The following GZF1 variants were observed in gnomAD, a reference collection of about 807,000 sequenced individuals.
The protein encoded by GZF1 is GDNF inducible zinc finger protein 1.
GZF1 carries 28 observed loss-of-function variants against 49.4 expected under a neutral mutation model. The observed-to-expected ratio is 0.57, with a 90% CI of 0.42 to 0.78. GZF1 has a LOEUF of 0.78. GZF1 is among the 30% of genes least tolerant of loss of function. The probability of loss-of-function intolerance (pLI) is 0.00; values close to 1 mark genes in which losing one functional copy is unlikely to be tolerated. For synonymous variants in GZF1, 364 were observed against 356.0 expected, an observed-to-expected ratio of 1.02 and a Z score of -0.25; for missense variants, 798 against 916.2, an observed-to-expected ratio of 0.87 and a Z score of 1.67.
intron 3 of GZF1, among the ~76,000 whole-genome samples, chr20:23,368,188 C>T (rs1465657238): frequency 6.6e-6 from 1 of 151,382 alleles, no homozygotes; most frequent in Non-Finnish European, 1.5e-5. Flanking sequence ...ATAATATTAA[C>T]ATGGTAAGAT....
chr20:23,369,978 C>T (rs1405260560), intron 5 of GZF1, 113 bp from the exon 6 acceptor site: 6 of 982,392 alleles, frequency 6.1e-6, no homozygotes, highest in Non-Finnish European at 9.3e-6. Flanking sequence ...TGGTGGCAGG[C>T]GGGTACTTAT....
In GZF1 at chr20:23,372,627, T is replaced by C. The variant is rs759388718; in HGVS notation, c.*2186T>C. 1 of 152,206 alleles carries C rather than the reference T, an allele frequency of 6.6e-6. No individual in the cohort carries two copies. The highest frequency in any genetic ancestry group is 1.5e-5 in the Non-Finnish European group (1 of 68,054). 9.4% of individuals were successfully genotyped at this position (152,206 alleles called of 1,614,324 possible). Reference sequence around the variant, plus strand: ...GAAACGTAACCCTGTAGGGGACTGGTTACAGAGGACCTCCTGGAGCATCTG... The same window carrying C: ...GAAACGTAACCCTGTAGGGGACTGGCTACAGAGGACCTCCTGGAGCATCTG... On this transcript the variant is annotated 3_prime_UTR_variant, in exon 6 of 6. Coordinates refer to ENST00000338121, the MANE Select transcript of GZF1 (RefSeq NM_022482.5).
intron 4 of GZF1, 100 bp from the exon 5 acceptor site, chr20:23,369,484 C>A: frequency 9.2e-7 from 1 of 1,085,230 alleles, no homozygotes; most frequent in East Asian, 2.5e-5. Flanking sequence ...CTGAGGCTTC[C>A]CAGTGGTTTG....
chr20:23,367,321 G>A (rs1227950281), intron 3 of GZF1, among the ~76,000 whole-genome samples: 5 of 152,214 alleles, frequency 3.3e-5, no homozygotes, highest in Non-Finnish European at 5.9e-5. Context: ...GATCTGGCAT[G>A]CAGGTCTTAG....
At chr20:23,367,890 ATTC>A (rs1292330700) in intron 3 of GZF1, among the ~76,000 whole-genome samples, 2 of 152,170 alleles carry the variant, frequency 1.3e-5, no homozygotes, top group Admixed American at 6.5e-5. Flanking sequence ...TGCATTTTTT[ATTC>A]TTACCTGTAA....
chr20:23,362,023 G>C (rs1242605364), upstream of GZF1, among the ~76,000 whole-genome samples: 1 of 152,198 alleles, frequency 6.6e-6, no homozygotes, highest in Non-Finnish European at 1.5e-5. Flanking sequence ...CGCGCGGCCA[G>C]ATCAGGTAAC....
chr20:23,365,968 G>C (rs866929710), intron 2 of GZF1, among the ~76,000 whole-genome samples: 1 of 152,248 alleles, frequency 6.6e-6, no homozygotes, highest in South Asian at 2.1e-4. Context: ...TGGCCGGGAC[G>C]TCCCTCTGGT....
chr20:23,363,307 C>T (rs1400200341), intron 1 of GZF1: 1 of 152,366 alleles, frequency 6.6e-6, no homozygotes, highest in Non-Finnish European at 1.5e-5. Flanking sequence ...AAACAGGAAT[C>T]AAAGAGGAAG....
rs1981260671 is a variant in GZF1, at chr20:23,365,673, G to A, written c.1290G>A (p.Thr430=). 30 of 1,596,742 alleles carry A rather than the reference G, an allele frequency of 1.9e-5. No homozygotes were observed. The highest frequency in any genetic ancestry group is 2.5e-5 in the Non-Finnish European group (29 of 1,176,762). ...TALRLHERTH[T]GDRPYGCTEC... ...TGCGGCTGCACGAGCGCACACACAC[G>A]GGAGACCGGCCCTACGGCTGCACCG... Residue 430 remains threonine (T), a synonymous_variant, in exon 2 of 6, where the codon ACG becomes ACA. Coordinates refer to ENST00000338121, the MANE Select transcript of GZF1 (RefSeq NM_022482.5).
intron 2 of GZF1, among the ~76,000 whole-genome samples, chr20:23,366,401 T>C (rs1254214096): frequency 6.6e-6 from 1 of 152,244 alleles, no homozygotes; most frequent in African/African-American, 2.4e-5. Flanking sequence ...AGCAGCATGG[T>C]GTTCATTTTT....
chr20:23,370,185 A>G lies in GZF1; in HGVS notation c.1880A>G (p.Glu627Gly). ...DDGHKTEQPD[E>G]EYVSSKLSDK... Reference sequence around the variant, plus strand: ...GGACACAAGACTGAACAGCCTGACGAAGAGTATGTGTCATCCAAGCTTTCG... The same window carrying G: ...GGACACAAGACTGAACAGCCTGACGGAGAGTATGTGTCATCCAAGCTTTCG... Residue 627 changes from glutamate to glycine, a missense_variant, in exon 6 of 6, where the codon GAA becomes GGA. Coordinates refer to ENST00000338121, the MANE Select transcript of GZF1 (RefSeq NM_022482.5). 1.2e-6 allele frequency: 2 copies of G among 1,614,226 alleles called. No individual in the cohort carries two copies. Among genetic ancestry groups the G allele is most frequent in the Non-Finnish European group, 1.7e-6 (2 of 1,180,022 alleles).
upstream of GZF1, among the ~76,000 whole-genome samples, chr20:23,361,851 T>C (rs749927602): frequency 2.6e-5 from 4 of 152,166 alleles, no homozygotes; most frequent in Non-Finnish European, 4.4e-5. Context: ...GACGCGAAAG[T>C]GACCACGCGA....
In GZF1 at chr20:23,369,646, C is replaced by T. The variant is rs1454072446; in HGVS notation, c.1690C>T (p.Arg564Cys). 5 of 1,613,350 alleles carry T rather than the reference C, an allele frequency of 3.1e-6. No homozygotes were observed. Among genetic ancestry groups the T allele is most frequent in the African/African-American group, 1.3e-5 (1 of 74,670 alleles). ...GTTCACCCAGCTCAACGCCCTCCAG[C>T]GCCACCGCCGCATCCACACAGGGGA... ...KQFTQLNALQ[R>C]HRRIHTGERP... Residue 564 changes from arginine to cysteine, a missense_variant, in exon 5 of 6, where the codon CGC becomes TGC. Around this residue, in one of 3 missense-constraint regions of GZF1, gnomAD observed 446 missense variants for 540.1 expected, o/e 0.83. Transcript: ENST00000338121.
At chr20:23,367,521 C>CTA (rs1981539366) in intron 3 of GZF1, among the ~76,000 whole-genome samples, 1 of 152,152 alleles carries the variant, frequency 6.6e-6, no homozygotes, top group African/African-American at 2.4e-5. Flanking sequence ...TCTGGTAAAT[C>CTA]TATACCCTGG....
chr20:23,370,434 T>C lies in GZF1; in HGVS notation c.2129T>C (p.Met710Thr), dbSNP rs1264683943. The change falls in exon 6 of 6, where the codon ATG becomes ACG. Residue 710 changes from methionine (M) to threonine (T), a missense_variant. Physicochemically the swap from Met to Thr is moderately conservative, Grantham distance 81 (BLOSUM62 -1). Around this residue, in one of 3 missense-constraint regions of GZF1, gnomAD observed 446 missense variants for 540.1 expected, o/e 0.83. Coordinates refer to ENST00000338121, the MANE Select transcript of GZF1 (RefSeq NM_022482.5). ...MPTQLHSLSN[M>T]E Reference sequence around the variant, plus strand: ...ACACAGCTTCACTCTTTGAGCAACATGGAATAAGAGCTTCAAGCAGTTCCC... The same window carrying C: ...ACACAGCTTCACTCTTTGAGCAACACGGAATAAGAGCTTCAAGCAGTTCCC... 3 of 1,603,422 alleles carry C rather than the reference T, an allele frequency of 1.9e-6. No individual in the cohort carries two copies. The Admixed American group carries it at 5.0e-5, about 27-fold the overall frequency.
chr20:23,361,839 T>A (rs743024), upstream of GZF1, among the ~76,000 whole-genome samples: 3 of 152,054 alleles, frequency 2.0e-5, no homozygotes, highest in African/African-American at 7.2e-5. Flanking sequence ...AAGCCCGGAA[T>A]GGACGCGAAA....
At chr20:23,365,892 T>A in intron 2 of GZF1, 145 bp downstream of exon 2, 1 of 1,337,760 alleles carries the variant, frequency 7.5e-7, no homozygotes, top group Non-Finnish European at 9.8e-7. Flanking sequence ...TAGTTCTCTG[T>A]CAAGGTACAG....
At chr20:23,361,732 T>G (rs1243137755), upstream of GZF1, among the ~76,000 whole-genome samples, 1 of 152,152 alleles carries the variant, frequency 6.6e-6, no homozygotes, top group Non-Finnish European at 1.5e-5. Context: ...AAGGGTGCGC[T>G]CGGCCTCGGG....
rs747644259 is a variant in GZF1, at chr20:23,364,872, C to A, written c.489C>A (p.Pro163=). The A allele has an allele frequency of 6.2e-7, 1 of 1,614,194 alleles. No homozygotes were observed. Among genetic ancestry groups the A allele is most frequent in the Admixed American group, 1.7e-5 (1 of 60,034 alleles). ...CCCAAGTTAGTGCTGCTCCTGCCCC[C>A]AGGGCAAGTGTGGCCACCGATGGCC... is the stretch of plus-strand genomic sequence containing the variant. ...SGSQVSAAPA[P]RASVATDGPH... Residue 163 remains proline, a synonymous_variant, in exon 2 of 6, where the codon CCC becomes CCA. Transcript: ENST00000338121.
Sources: gnomAD v4.1 joint callset for allele counts (sites outside exome capture counted in the v4.1 genomes callset) on GRCh38, gnomAD v4.1.1 for gene constraint, gnomAD v4.1.1 regional missense constraint, MANE v1.5 for transcripts, NCBI Gene and HGNC (gene_info 2026-07-23, HGNC 2026-07-21) for gene names.